Variants in ST3GAL1 observed in about 807,000 individuals in gnomAD.
ST3GAL1 encodes ST3 beta-galactoside alpha-2,3-sialyltransferase 1, also known as CMP-N-acetylneuraminate-beta-galactosamide-alpha-2,3-sialyltransferase 1.
In ST3GAL1, 16 loss-of-function variants were observed where a neutral mutation model predicts 34.1. The ratio of observed to expected loss-of-function variants is 0.47; its 90% CI spans 0.32 to 0.71. The LOEUF (loss-of-function observed/expected upper bound fraction) is 0.71, where lower values mean the gene tolerates loss of function less well. Among genes scored for constraint, ST3GAL1 ranks in the 30% least tolerant of loss-of-function variants. The pLI is 0.04. For synonymous variants in ST3GAL1, 191 were observed against 184.7 expected (o/e 1.03, Z -0.28); for missense variants, 353 against 447.4 (o/e 0.79, Z 1.90).
intron 3 of ST3GAL1, among the ~76,000 whole-genome samples, chr8:133,493,366 G>A (rs753370510): frequency 1.3e-5 from 2 of 152,222 alleles, no homozygotes; most frequent in Non-Finnish European, 1.5e-5. Flanking sequence ...GACGGCGATG[G>A]CAGAATGTGC....
chr8:133,484,199 G>A (rs778581181), intron 3 of ST3GAL1, among the ~76,000 whole-genome samples: 2 of 152,128 alleles, frequency 1.3e-5, no homozygotes, highest in Non-Finnish European at 2.9e-5. Context: ...CTAAATTTCC[G>A]ACCTCCTAGC....
chr8:133,475,988 T>G lies in ST3GAL1; in HGVS notation c.37A>C (p.Thr13Pro). ...TLRKRTLKVL[T>P]FLVLFIFLTS... Reference sequence around the variant, plus strand: ...AGGAAGATGAAGAGCACGAGGAAGGTGAGCACTTTCAGGGTCCTCTTCCGC... The same window carrying G: ...AGGAAGATGAAGAGCACGAGGAAGGGGAGCACTTTCAGGGTCCTCTTCCGC... The change falls in exon 5 of 10, where the codon ACC (threonine) becomes CCC (proline). Residue 13 changes from threonine to proline, a missense_variant. Physicochemically the swap from Thr to Pro is conservative, Grantham distance 38. Transcript: ENST00000522652. 1.9e-6 allele frequency: 3 copies of G among 1,610,454 alleles called. No homozygotes were observed. The highest frequency in any genetic ancestry group is 2.5e-6 in the Non-Finnish European group (3 of 1,178,040).
chr8:133,460,826 T>C (rs1289150204), intron 9 of ST3GAL1, among the ~76,000 whole-genome samples: 1 of 151,858 alleles, frequency 6.6e-6, no homozygotes, highest in Non-Finnish European at 1.5e-5. Flanking sequence ...CCAGAAGGAA[T>C]TGCATGGAGG....
chr8:133,557,517 T>C (rs1335426314), intron 1 of ST3GAL1, among the ~76,000 whole-genome samples: 1 of 152,180 alleles, frequency 6.6e-6, no homozygotes, highest in African/African-American at 2.4e-5. Flanking sequence ...TGGGTTGAGC[T>C]GTCGCACCAG....
At chr8:133,478,717 C>G (rs957693667) in intron 3 of ST3GAL1, among the ~76,000 whole-genome samples, 1 of 152,170 alleles carries the variant, frequency 6.6e-6, no homozygotes, top group African/African-American at 2.4e-5. Context: ...TGGAGGAAGC[C>G]CTGCCCTCTC....
intron 1 of ST3GAL1, among the ~76,000 whole-genome samples, chr8:133,562,461 G>C (rs1021725742): frequency 1.3e-5 from 2 of 152,150 alleles, no homozygotes; most frequent in African/African-American, 2.4e-5. Context: ...GGCCACCTCA[G>C]CCTCCCAAAG....
chr8:133,533,290 T>C (rs930053192), intron 2 of ST3GAL1, among the ~76,000 whole-genome samples: 1 of 152,204 alleles, frequency 6.6e-6, no homozygotes, highest in Non-Finnish European at 1.5e-5. Context: ...CAGGATCTCA[T>C]GATCCTTGTC....
chr8:133,489,371 C>T (rs1252887972), intron 3 of ST3GAL1, among the ~76,000 whole-genome samples: 3 of 152,116 alleles, frequency 2.0e-5, no homozygotes, highest in Non-Finnish European at 2.9e-5. Flanking sequence ...AGCCATGCCT[C>T]CCGCCCCTCC....
intron 2 of ST3GAL1, among the ~76,000 whole-genome samples, chr8:133,524,960 A>C (rs1163778388): frequency 1.3e-5 from 2 of 152,252 alleles, no homozygotes; most frequent in African/African-American, 2.4e-5. Context: ...AACGGGCCAC[A>C]GCTCTTCTCT....
intron 2 of ST3GAL1, among the ~76,000 whole-genome samples, chr8:133,513,614 G>A (rs1189765910): frequency 6.6e-6 from 1 of 152,156 alleles, no homozygotes; most frequent in Non-Finnish European, 1.5e-5. Context: ...AAAAGGTTTT[G>A]GCTGGGCGTA....
At chr8:133,542,907 A>G (rs1250926065) in intron 2 of ST3GAL1, among the ~76,000 whole-genome samples, 1 of 152,230 alleles carries the variant, frequency 6.6e-6, no homozygotes, top group Non-Finnish European at 1.5e-5. Context: ...TATGATAATA[A>G]TAAATCTATT....
intron 3 of ST3GAL1, among the ~76,000 whole-genome samples, chr8:133,494,913 CTTT>C (rs34975583): frequency 0.025 from 2,529 of 100,594 alleles, 21 homozygotes; most frequent in African/African-American, 0.06. Flanking sequence ...TTCCTCTATT[CTTT>C]TTTTTTTTTT....
intron 1 of ST3GAL1, among the ~76,000 whole-genome samples, chr8:133,551,806 C>T (rs1035926659): frequency 6.6e-6 from 1 of 152,168 alleles, no homozygotes; most frequent in South Asian, 2.1e-4. Context: ...TTTTTAAGTA[C>T]TTACAGGTAC....
At chr8:133,550,922 C>T (rs1353546080) in intron 1 of ST3GAL1, among the ~76,000 whole-genome samples, 1 of 152,176 alleles carries the variant, frequency 6.6e-6, no homozygotes, top group Non-Finnish European at 1.5e-5. Flanking sequence ...TGAAGTATAG[C>T]AGCAAACTAG....
chr8:133,563,772 A>G (rs1819312472), intron 1 of ST3GAL1, among the ~76,000 whole-genome samples: 1 of 152,182 alleles, frequency 6.6e-6, no homozygotes, highest in African/African-American at 2.4e-5. Context: ...GAGATTTCAG[A>G]TGTTAATGAG....
chr8:133,480,062 G>A (rs1036311933), intron 3 of ST3GAL1, among the ~76,000 whole-genome samples: 5 of 152,130 alleles, frequency 3.3e-5, no homozygotes, highest in Non-Finnish European at 5.9e-5. Flanking sequence ...GAGGGAGGCC[G>A]GGCCCCCCAG....
chr8:133,470,490 G>A (rs1322137445), intron 5 of ST3GAL1, among the ~76,000 whole-genome samples: 6 of 151,798 alleles, frequency 4.0e-5, no homozygotes, highest in South Asian at 4.2e-4. Context: ...TCAGGGACAC[G>A]CCCTCTCCAG....
At chr8:133,510,961 G>A (rs11992973) in intron 2 of ST3GAL1, among the ~76,000 whole-genome samples, 22,726 of 152,192 alleles carry the variant, frequency 0.15, 1,776 homozygotes, top group South Asian at 0.19. Flanking sequence ...TATGATTCAC[G>A]CAAATAACCA....
At position 133,540,908 on chromosome 8, in the gene ST3GAL1, CATATATATAGACAT is replaced by C. The variant is rs1380881713; in HGVS notation, c.-429+4852_-429+4865del. 1.6e-3 allele frequency among the ~76,000 whole-genome samples: 50 copies of C among 31,038 alleles called. 8 individuals carry two copies. Among genetic ancestry groups the C allele is most frequent in the African/African-American group, 8.0e-3 (46 of 5,782 alleles). 20.4% of individuals were successfully genotyped at this position (31,038 alleles called of 152,430 possible). On this transcript the variant is annotated intron_variant, in intron 2 of 9. Coordinates refer to ENST00000522652, the MANE Select transcript of ST3GAL1 (RefSeq NM_173344.3). The stretch of plus-strand genomic sequence containing the variant: ...ACATATATATAGACATATATATAGA[CATATATATAGACAT>C]ATATATATAGACATATATAGACATA...
Sources: gnomAD v4.1 joint callset for allele counts (sites outside exome capture counted in the v4.1 genomes callset) on GRCh38, gnomAD v4.1.1 for gene constraint, MANE v1.5 for transcripts, NCBI Gene and HGNC (gene_info 2026-07-23, HGNC 2026-07-21) for gene names.